Variants in IL12RB2 observed in about 807,000 individuals in gnomAD.
IL12RB2 encodes the protein interleukin 12 receptor subunit beta 2.
A neutral mutation model predicts 89.4 loss-of-function variants in IL12RB2; 82 were observed. That is an observed-to-expected ratio of 0.92 (90% CI 0.77 to 1.10). The LOEUF (loss-of-function observed/expected upper bound fraction) is 1.10. Among genes scored for constraint, IL12RB2 ranks in the 50% least tolerant of loss-of-function variants. The probability of loss-of-function intolerance (pLI) is 0.00; values close to 1 mark genes in which losing one functional copy is unlikely to be tolerated. For synonymous variants in IL12RB2, 368 were observed against 370.1 expected, an observed-to-expected ratio of 0.99 and a Z score of 0.07; for missense variants, 963 against 1,031.9, an observed-to-expected ratio of 0.93 and a Z score of 0.92.
At chr1:67,363,761 A>C (rs936011450) in intron 10 of IL12RB2, among the ~76,000 whole-genome samples, 3 of 152,362 alleles carry the variant, frequency 2.0e-5, no homozygotes, top group Admixed American at 2.0e-4. Flanking sequence ...GACTTGAATT[A>C]GTTGTAAATG....
At chr1:67,307,821 G>T (rs1654461261), upstream of IL12RB2, 1 of 152,216 alleles carries the variant, frequency 6.6e-6, no homozygotes, top group Non-Finnish European at 1.5e-5. Flanking sequence ...GCAGAGGCGG[G>T]AGGCGGAGGC....
chr1:67,396,034 GTGA>G lies in IL12RB2; in HGVS notation c.2536_2538del (p.Asp846del). On this transcript the variant is annotated inframe_deletion, in exon 17 of 17. Transcript: ENST00000674203. The stretch of plus-strand genomic sequence containing the variant: ...CTTCACCCACTCACCTTCTCCTGTG[GTGA>G]TAAGCTGACTCTGGATCAGTTAAAG... The G allele has an allele frequency of 6.2e-7, 1 of 1,606,774 alleles. No individual in the cohort carries two copies.
chr1:67,349,756 A>T (rs1277630887), intron 9 of IL12RB2, among the ~76,000 whole-genome samples: 1 of 152,220 alleles, frequency 6.6e-6, no homozygotes, highest in Non-Finnish European at 1.5e-5. Context: ...TTTCAGCAAG[A>T]AATGCAGCTG....
At chr1:67,354,649 T>G (rs1199900921) in intron 10 of IL12RB2, among the ~76,000 whole-genome samples, 1 of 152,214 alleles carries the variant, frequency 6.6e-6, no homozygotes, top group African/African-American at 2.4e-5. Flanking sequence ...AGTAGTTGTG[T>G]GTCCCAGAAG....
intron 8 of IL12RB2, among the ~76,000 whole-genome samples, chr1:67,338,097 G>T (rs1659032572): frequency 6.6e-6 from 1 of 151,644 alleles, no homozygotes; most frequent in Non-Finnish European, 1.5e-5. Context: ...GGGAGGCCAA[G>T]GTGGGTGGAT....
intron 9 of IL12RB2, among the ~76,000 whole-genome samples, chr1:67,340,672 C>T (rs1221009631): frequency 5.9e-5 from 9 of 152,208 alleles, no homozygotes; most frequent in East Asian, 1.9e-4. Context: ...TCCATGCCTG[C>T]GTGCTTTTCA....
intron 8 of IL12RB2, among the ~76,000 whole-genome samples, chr1:67,336,656 TGAA>T (rs1203613163): frequency 2.6e-5 from 4 of 151,932 alleles, no homozygotes; most frequent in Non-Finnish European, 4.4e-5. Context: ...AAGGAAGTAA[TGAA>T]GGAGAGGATA....
intron 8 of IL12RB2, among the ~76,000 whole-genome samples, chr1:67,337,908 AAAAAAAAAAG>A (rs1020825867): frequency 2.6e-4 from 33 of 126,594 alleles, no homozygotes; most frequent in Admixed American, 5.0e-4. Flanking sequence ...TAGTAAAAAA[AAAAAAAAAAG>A]AAAAGAAAAG....
rs1387286623 is a variant in IL12RB2 at position 67,395,615 on chromosome 1, G to A, written c.2115G>A (p.Leu705=). Residue 705 remains leucine (L), a synonymous_variant, in exon 17 of 17, where the codon CTG becomes CTA. Coordinates refer to ENST00000674203, the MANE Select transcript of IL12RB2 (RefSeq NM_001374259.2). ...DWPTPEDPEP[L]VISEVLHQVT... is the part of the protein sequence containing the mutation. ...CCACGCCTGAAGATCCTGAACCGCT[G>A]GTCATCAGTGAAGTCCTTCATCAAG... 5.0e-6 allele frequency: 8 copies of A among 1,614,090 alleles called. No individual in the cohort carries two copies. Among genetic ancestry groups the A allele is most frequent in the Non-Finnish European group, 6.8e-6 (8 of 1,180,040 alleles).
At chr1:67,369,572 T>C (rs1329253471) in intron 11 of IL12RB2, among the ~76,000 whole-genome samples, 2 of 152,196 alleles carry the variant, frequency 1.3e-5, no homozygotes, top group Non-Finnish European at 2.9e-5. Flanking sequence ...TGAAAGTGAA[T>C]AGAAAAAGCA....
chr1:67,324,438 T>A (rs115827492), intron 4 of IL12RB2, among the ~76,000 whole-genome samples: 2,740 of 152,132 alleles, frequency 0.018, 97 homozygotes, highest in African/African-American at 0.063. Context: ...GCCAGACTGG[T>A]CTCTAATTCC....
intron 14 of IL12RB2, among the ~76,000 whole-genome samples, chr1:67,382,245 C>A (rs1246394268): frequency 6.6e-6 from 1 of 152,190 alleles, no homozygotes; most frequent in Non-Finnish European, 1.5e-5. Context: ...GCCAGATCCT[C>A]CTGATTGTAT....
intron 2 of IL12RB2, among the ~76,000 whole-genome samples, chr1:67,318,441 A>G (rs1241222850): frequency 6.6e-6 from 1 of 152,190 alleles, no homozygotes; most frequent in East Asian, 1.9e-4. Context: ...AGACATGTTG[A>G]CGGCTAGAAT....
chr1:67,329,235 A>C (rs17129794), intron 6 of IL12RB2, among the ~76,000 whole-genome samples: 25,698 of 152,096 alleles, frequency 0.17, 2,234 homozygotes, highest in Middle Eastern at 0.25. Context: ...GGCAGTCATC[A>C]CTAGCCGTCT....
intron 13 of IL12RB2, among the ~76,000 whole-genome samples, chr1:67,379,223 A>C (rs186341003): frequency 4.0e-5 from 6 of 151,586 alleles, no homozygotes; most frequent in Admixed American, 3.3e-4. Flanking sequence ...ACAAAATTTC[A>C]TAACTGGCCG....
At chr1:67,352,452 C>A (rs943505162) in intron 10 of IL12RB2, among the ~76,000 whole-genome samples, 1 of 152,172 alleles carries the variant, frequency 6.6e-6, no homozygotes, top group Non-Finnish European at 1.5e-5. Flanking sequence ...CTAGCTATTT[C>A]CTTCTAGACA....
chr1:67,352,036 CA>C (rs1366799476), intron 10 of IL12RB2, among the ~76,000 whole-genome samples: 3 of 151,934 alleles, frequency 2.0e-5, no homozygotes, highest in Admixed American at 1.3e-4. Flanking sequence ...AAAAGTCTAC[CA>C]AAATACTATT....
chr1:67,308,514 G>C (rs896355513), intron 1 of IL12RB2, among the ~76,000 whole-genome samples: 1 of 152,108 alleles, frequency 6.6e-6, no homozygotes, highest in Non-Finnish European at 1.5e-5. Flanking sequence ...TCCCTGCCTG[G>C]CCAGTTACTA....
At chr1:67,379,151 C>T (rs1327692173) in intron 13 of IL12RB2, among the ~76,000 whole-genome samples, 9 of 150,810 alleles carry the variant, frequency 6.0e-5, no homozygotes, top group Admixed American at 2.0e-4. Flanking sequence ...GAGCCAAGAT[C>T]GTGCCACTGC....
Sources: gnomAD v4.1 joint callset for allele counts (sites outside exome capture counted in the v4.1 genomes callset) on GRCh38, gnomAD v4.1.1 for gene constraint, MANE v1.5 for transcripts, NCBI Gene and HGNC (gene_info 2026-07-23, HGNC 2026-07-21) for gene names.